Variants in PRELID2 observed in about 807,000 individuals in gnomAD.
The protein encoded by PRELID2 is PRELI domain containing 2.
Under a neutral mutation model 28.4 loss-of-function variants are expected in PRELID2, and 25 were observed. That is an observed-to-expected ratio of 0.88 (90% confidence interval 0.64 to 1.23). The LOEUF (loss-of-function observed/expected upper bound fraction) is 1.23. Ranked by LOEUF, PRELID2 falls within the 50% of genes most tolerant of loss-of-function variation. The pLI is 0.00. For missense variants in PRELID2, 201 were observed against 214.4 expected, an observed-to-expected ratio of 0.94 and a Z score of 0.39; for synonymous variants, 76 against 71.6, an observed-to-expected ratio of 1.06 and a Z score of -0.31.
chr5:145,545,767 G>A (rs909837726), intron 1 of PRELID2, among the ~76,000 whole-genome samples: 2 of 152,144 alleles, frequency 1.3e-5, no homozygotes, highest in African/African-American at 2.4e-5. Flanking sequence ...TGGTTCTCAC[G>A]TCAAATGAGA....
At chr5:145,495,402 A>T (rs1752301716) in intron 1 of PRELID2, among the ~76,000 whole-genome samples, 1 of 152,216 alleles carries the variant, frequency 6.6e-6, no homozygotes, top group African/African-American at 2.4e-5. Context: ...TTTTGCATTT[A>T]GTCAATCCAA....
the PRELID2 span, among the ~76,000 whole-genome samples, chr5:145,265,375 T>C: frequency 6.6e-6 from 1 of 152,082 alleles, no homozygotes; most frequent in Non-Finnish European, 1.5e-5. Context: ...ATTAACATTG[T>C]GAAAATGACC....
the PRELID2 span, among the ~76,000 whole-genome samples, chr5:145,447,850 T>G: frequency 0.32 from 43,852 of 139,066 alleles, 6,826 homozygotes; most frequent in Non-Finnish European, 0.34. Flanking sequence ...ATGTGCCACA[T>G]TTTCTTAATC....
intron 1 of PRELID2, among the ~76,000 whole-genome samples, chr5:145,603,642 T>C (rs1453326265): frequency 2.0e-5 from 3 of 151,948 alleles, no homozygotes; most frequent in African/African-American, 4.8e-5. Flanking sequence ...AAAGGATAAA[T>C]ATACAGGAAT....
At chr5:145,467,256 C>A (rs953912314), downstream of PRELID2, among the ~76,000 whole-genome samples, 1 of 152,102 alleles carries the variant, frequency 6.6e-6, no homozygotes, top group Admixed American at 6.6e-5. Flanking sequence ...CAACTCTAGC[C>A]CACCAGCACT....
intron 1 of PRELID2, among the ~76,000 whole-genome samples, chr5:145,717,134 T>C (rs1755866114): frequency 6.6e-6 from 1 of 152,190 alleles, no homozygotes; most frequent in Admixed American, 6.6e-5. Context: ...TTAATGCTTA[T>C]TTTAATAAAT....
At chr5:145,818,149 A>ACT in intron 3 of PRELID2, 95 bp from the exon 4 acceptor site, 2 of 1,301,762 alleles carry the variant, frequency 1.5e-6, no homozygotes, top group Non-Finnish European at 2.1e-6. Context: ...GATAACCAAG[A>ACT]GGACAAGTAA....
chr5:145,248,125 C>G, the PRELID2 span, among the ~76,000 whole-genome samples: 3 of 151,936 alleles, frequency 2.0e-5, no homozygotes, highest in Admixed American at 2.0e-4. Context: ...AATAATGATA[C>G]TTCAACAAAA....
intron 1 of PRELID2, among the ~76,000 whole-genome samples, chr5:145,558,994 C>T (rs193155852): frequency 1.1e-3 from 168 of 152,256 alleles, no homozygotes; most frequent in South Asian, 3.5e-3. Context: ...GTGGCTCACG[C>T]CTGTAATCCC....
At chr5:145,612,136 G>T (rs536682943) in intron 1 of PRELID2, among the ~76,000 whole-genome samples, 2 of 152,140 alleles carry the variant, frequency 1.3e-5, no homozygotes, top group African/African-American at 4.8e-5. Context: ...TATAAAAATC[G>T]ATTCCAGGTG....
the PRELID2 span, chr5:145,229,458 C>A: frequency 5.6e-6 from 5 of 886,348 alleles, no homozygotes; most frequent in Non-Finnish European, 9.3e-6. Flanking sequence ...CAGGACCCAG[C>A]CAAAGCCCCC....
intron 1 of PRELID2, among the ~76,000 whole-genome samples, chr5:145,568,431 TAAGA>T (rs1481381293): frequency 6.6e-6 from 1 of 152,218 alleles, no homozygotes; most frequent in Non-Finnish European, 1.5e-5. Flanking sequence ...TGGAAGTCAA[TAAGA>T]ATCCTTTTTT....
intron 4 of PRELID2, 137 bp from the exon 5 acceptor site, chr5:145,796,684 AT>A (rs1752775035): frequency 2.3e-6 from 1 of 440,742 alleles, no homozygotes; most frequent in African/African-American, 2.0e-5. Flanking sequence ...ACTACCTATT[AT>A]AAGAAGATTT....
intron 1 of PRELID2, among the ~76,000 whole-genome samples, chr5:145,485,766 T>C (rs530589589): frequency 4.7e-4 from 72 of 152,318 alleles, no homozygotes; most frequent in African/African-American, 1.6e-3. Flanking sequence ...TACATGCTCA[T>C]TCTCCTGCCA....
the PRELID2 span, among the ~76,000 whole-genome samples, chr5:145,463,908 CATT>C: frequency 6.6e-6 from 1 of 152,118 alleles, no homozygotes; most frequent in Non-Finnish European, 1.5e-5. Context: ...CTTTTATACA[CATT>C]AATATTACAA....
intron 1 of PRELID2, among the ~76,000 whole-genome samples, chr5:145,496,317 A>G (rs745364892): frequency 7.9e-5 from 12 of 152,188 alleles, no homozygotes; most frequent in Non-Finnish European, 1.6e-4. Flanking sequence ...GAAGTGGCTA[A>G]AGAGCTCAGA....
the PRELID2 span, among the ~76,000 whole-genome samples, chr5:145,352,088 G>A: frequency 1.3e-5 from 2 of 152,134 alleles, no homozygotes; most frequent in Non-Finnish European, 2.9e-5. Flanking sequence ...AGCCGTCAGT[G>A]GATTTACCAC....
intron 5 of PRELID2, among the ~76,000 whole-genome samples, chr5:145,783,996 G>T (rs539759749): frequency 6.6e-6 from 1 of 152,066 alleles, no homozygotes; most frequent in African/African-American, 2.4e-5. Flanking sequence ...AGGCTTGGAG[G>T]GGGGCTGGGG....
the PRELID2 span, among the ~76,000 whole-genome samples, chr5:145,264,219 T>C: frequency 6.6e-6 from 1 of 151,940 alleles, no homozygotes; most frequent in Non-Finnish European, 1.5e-5. Context: ...CAGACCAATA[T>C]CCCTGATAAA....
Sources: gnomAD v4.1 joint callset for allele counts (sites outside exome capture counted in the v4.1 genomes callset) on GRCh38, gnomAD v4.1.1 for gene constraint, MANE v1.5 for transcripts, NCBI Gene and HGNC (gene_info 2026-07-23, HGNC 2026-07-21) for gene names.